The following PNKD variants were observed in gnomAD, a reference collection of about 807,000 sequenced individuals.
The protein encoded by PNKD is PNKD metallo-beta-lactamase domain containing.
Under a neutral mutation model 45.3 loss-of-function variants are expected in PNKD, and 36 were observed. The observed-to-expected ratio is 0.80, with a 90% CI of 0.61 to 1.05. The LOEUF is 1.05. PNKD is among the 50% of genes least tolerant of loss of function. PNKD has a pLI of 0.00. For missense variants in PNKD, 511 were observed against 506.6 expected, an observed-to-expected ratio of 1.01 and a Z score of -0.08; for synonymous variants, 197 against 210.1, an observed-to-expected ratio of 0.94 and a Z score of 0.54.
chr2:218,301,490 A>G (rs1447753401), intron 2 of PNKD, among the ~76,000 whole-genome samples: 2 of 152,184 alleles, frequency 1.3e-5, no homozygotes, highest in Non-Finnish European at 2.9e-5. Context: ...CTGTTTGGCT[A>G]GAAAAAGGGA....
In PNKD at chr2:218,339,909, ACTG is replaced by A. The variant is rs1694619707; in HGVS notation, c.352+13_352+15del. ...CCCGCCTCTTCAATGGTGAGCTCTGACTGCCCCGGCCAGCATCCCCCATTCTGT... is the reference window on the plus strand; with the variant it reads ...CCCGCCTCTTCAATGGTGAGCTCTGACCCCGGCCAGCATCCCCCATTCTGT... On this transcript the variant is annotated intron_variant, in intron 3 of 9. Coordinates refer to ENST00000273077, the MANE Select transcript of PNKD (RefSeq NM_015488.5). The A allele has an allele frequency of 1.3e-6, 2 of 1,582,940 alleles. No individual in the cohort carries two copies. The highest frequency in any genetic ancestry group is 1.7e-6 in the Non-Finnish European group (2 of 1,154,780).
intron 2 of PNKD, chr2:218,275,698 T>C (rs1691126966): frequency 1.3e-6 from 2 of 1,544,992 alleles, no homozygotes; most frequent in Non-Finnish European, 8.7e-7. Flanking sequence ...CAGATTTGTC[T>C]TGGGGGCCTA....
At chr2:218,310,432 C>T (rs1047285409) in intron 2 of PNKD, among the ~76,000 whole-genome samples, 2 of 151,964 alleles carry the variant, frequency 1.3e-5, no homozygotes, top group African/African-American at 4.8e-5. Flanking sequence ...CCATATTGGC[C>T]AGGCTGGTCT....
At chr2:218,304,393 C>T (rs1693357267) in intron 2 of PNKD, among the ~76,000 whole-genome samples, 1 of 152,106 alleles carries the variant, frequency 6.6e-6, no homozygotes, top group Non-Finnish European at 1.5e-5. Context: ...ATCCACCCGC[C>T]TCGGCCTCCC....
At chr2:218,273,945 G>A (rs1344782372) in intron 2 of PNKD, among the ~76,000 whole-genome samples, 1 of 152,134 alleles carries the variant, frequency 6.6e-6, no homozygotes, top group Non-Finnish European at 1.5e-5. Context: ...AGGGTCCATG[G>A]TGCAGAAAAG....
intron 2 of PNKD, chr2:218,323,463 C>T: frequency 2.7e-6 from 3 of 1,112,798 alleles, no homozygotes; most frequent in Non-Finnish European, 3.4e-6. Context: ...CGTGCGGGCT[C>T]GGGAGGCGGG....
chr2:218,305,520 T>A (rs533421391), intron 2 of PNKD, among the ~76,000 whole-genome samples: 5 of 152,228 alleles, frequency 3.3e-5, no homozygotes, highest in Admixed American at 2.6e-4. Context: ...GCTATTTTTT[T>A]TTTTAATTTT....
intron 2 of PNKD, chr2:218,277,684 A>G (rs765136565): frequency 2.3e-5 from 37 of 1,614,004 alleles, no homozygotes; most frequent in Non-Finnish European, 3.1e-5. Context: ...AGGGAAGGAG[A>G]GAGACAAGAA....
intron 2 of PNKD, among the ~76,000 whole-genome samples, chr2:218,309,438 A>C (rs1044048899): frequency 7.8e-6 from 1 of 127,968 alleles, no homozygotes; most frequent in Admixed American, 7.9e-5. Flanking sequence ...AAAAAAAAAA[A>C]GGAAAGAAAA....
At chr2:218,277,552 C>T (rs925716553) in intron 2 of PNKD, 24 of 1,608,256 alleles carry the variant, frequency 1.5e-5, no homozygotes, top group East Asian at 2.2e-5. Context: ...AATCCACCCA[C>T]GCAGCTGGCT....
At chr2:218,281,668 T>G (rs1370738806) in intron 2 of PNKD, among the ~76,000 whole-genome samples, 2 of 152,178 alleles carry the variant, frequency 1.3e-5, no homozygotes, top group African/African-American at 4.8e-5. Context: ...GAGTCATTAC[T>G]TGGCCCAGCC....
chr2:218,315,053 T>TTCCTTCCTTCCTTC (rs1553667757), intron 2 of PNKD, among the ~76,000 whole-genome samples: 2 of 47,932 alleles, frequency 4.2e-5, no homozygotes, highest in African/African-American at 1.6e-4. Context: ...TTTCTTTCTT[T>TTCCTTCCTTCCTTC]CTTTCTTCCT....
At chr2:218,279,103 A>G (rs1207079895) in intron 2 of PNKD, 20 of 1,614,052 alleles carry the variant, frequency 1.2e-5, no homozygotes, top group Non-Finnish European at 1.4e-5. Flanking sequence ...TGTGGGGCAC[A>G]GGAGGACAGG....
At chr2:218,328,493 A>C (rs1694220009) in intron 2 of PNKD, among the ~76,000 whole-genome samples, 1 of 152,166 alleles carries the variant, frequency 6.6e-6, no homozygotes, top group East Asian at 1.9e-4. Flanking sequence ...ATGGCTACAC[A>C]GGGGGAGAAA....
intron 2 of PNKD, chr2:218,274,675 A>C (rs950089135): frequency 3.9e-5 from 6 of 155,622 alleles, no homozygotes; most frequent in Admixed American, 1.3e-4. Flanking sequence ...TACAGGAAGC[A>C]AGAGTTCACT....
Position 218,314,222 on chromosome 2 carries a change from C to CTTTTTTTTTTTT in PNKD, c.237-25551_237-25540dup, listed in dbSNP as rs386392656. On this transcript the variant is annotated intron_variant, in intron 2 of 9. Transcript: ENST00000273077. ...ACAGGCGTGAGCCACCGCGCCCTGG[C>CTTTTTTTTTTTT]TTTTTTTTTTTTTTTTTTTTTGAGA... is the stretch of plus-strand genomic sequence containing the variant. 1.6e-4 allele frequency among the ~76,000 whole-genome samples: 11 copies of CTTTTTTTTTTTT among 67,720 alleles called. 4 individuals are homozygous for CTTTTTTTTTTTT. The highest frequency in any genetic ancestry group is 5.9e-4 in the African/African-American group (9 of 15,338). The allele number at this position is 67,720 out of a possible 152,430, so 44.4% of individuals were successfully genotyped here.
chr2:218,300,004 G>A (rs10932770), intron 2 of PNKD, among the ~76,000 whole-genome samples: 52,797 of 151,902 alleles, frequency 0.35, 9,679 homozygotes, highest in Middle Eastern at 0.53. Context: ...TGATCCACCT[G>A]CCTCAGCCTC....
At chr2:218,287,756 G>A (rs114233237) in intron 2 of PNKD, among the ~76,000 whole-genome samples, 2 of 152,062 alleles carry the variant, frequency 1.3e-5, no homozygotes, top group African/African-American at 4.8e-5. Flanking sequence ...CCAACTCGAG[G>A]CCACCCCTCC....
At chr2:218,310,168 G>A (rs1299633633) in intron 2 of PNKD, among the ~76,000 whole-genome samples, 2 of 152,048 alleles carry the variant, frequency 1.3e-5, no homozygotes, top group African/African-American at 4.8e-5. Flanking sequence ...GCATCTTGAA[G>A]CAAGAAAATA....
Sources: gnomAD v4.1 joint callset for allele counts (sites outside exome capture counted in the v4.1 genomes callset) on GRCh38, gnomAD v4.1.1 for gene constraint, MANE v1.5 for transcripts, NCBI Gene and HGNC (gene_info 2026-07-23, HGNC 2026-07-21) for gene names.